Variants in ZNF678 observed in about 807,000 individuals in gnomAD.
ZNF678 encodes the protein zinc finger protein 678, also known as hypothetical protein MGC42493.
A neutral mutation model predicts 3.0 loss-of-function variants in ZNF678; 5 were observed. The ratio of observed to expected loss-of-function variants is 1.69; its 90% CI spans 0.88 to 3.56. The LOEUF is 3.56. ZNF678 is among the 30% of genes most tolerant of loss of function. ZNF678 has a pLI of 0.00. For synonymous variants in ZNF678, 218 were observed against 199.6 expected (o/e 1.09, Z -0.78); for missense variants, 593 against 605.0 (o/e 0.98, Z 0.21).
intron 5 of ZNF678, among the ~76,000 whole-genome samples, chr1:227,675,670 ATAGT>A (rs1377130356): frequency 1.3e-5 from 2 of 152,068 alleles, no homozygotes; most frequent in Non-Finnish European, 2.9e-5. Context: ...AATTATACAT[ATAGT>A]TACTTTCATT....
chr1:227,564,373 G>A (rs1405410302), intron 1 of ZNF678, among the ~76,000 whole-genome samples: 1 of 152,178 alleles, frequency 6.6e-6, no homozygotes, highest in East Asian at 1.9e-4. Context: ...AAATGCATTT[G>A]AGCTATTAAT....
chr1:227,670,184 G>A (rs930905079), intron 5 of ZNF678, among the ~76,000 whole-genome samples: 3 of 152,106 alleles, frequency 2.0e-5, no homozygotes, highest in Non-Finnish European at 4.4e-5. Context: ...GAAGAGAGAC[G>A]GGCATGTGTT....
chr1:227,596,931 A>G (rs1260168479), intron 1 of ZNF678, among the ~76,000 whole-genome samples: 2 of 152,248 alleles, frequency 1.3e-5, no homozygotes, highest in Non-Finnish European at 2.9e-5. Flanking sequence ...TCCAAATTCA[A>G]CAGCACATAA....
chr1:227,604,427 C>T (rs1437255640), intron 1 of ZNF678, among the ~76,000 whole-genome samples: 1 of 152,158 alleles, frequency 6.6e-6, no homozygotes, highest in African/African-American at 2.4e-5. Context: ...ACTTGGGGAC[C>T]CAGGCTGGAG....
chr1:227,675,515 T>C (rs1218372065), intron 5 of ZNF678, among the ~76,000 whole-genome samples: 1 of 152,230 alleles, frequency 6.6e-6, no homozygotes, highest in Non-Finnish European at 1.5e-5. Context: ...CTAAATTCTT[T>C]GCAATATGTG....
chr1:227,618,700 G>A (rs575159031), intron 1 of ZNF678, among the ~76,000 whole-genome samples: 1 of 152,266 alleles, frequency 6.6e-6, no homozygotes, highest in South Asian at 2.1e-4. Flanking sequence ...ACTTACAAAG[G>A]AAAGGGTGGT....
intron 1 of ZNF678, among the ~76,000 whole-genome samples, chr1:227,624,934 G>A (rs1370622728): frequency 2.6e-5 from 4 of 152,160 alleles, no homozygotes; most frequent in Non-Finnish European, 5.9e-5. Flanking sequence ...CAACAAACGC[G>A]GACCGGAAGA....
At chr1:227,599,270 A>G (rs766775188) in intron 1 of ZNF678, among the ~76,000 whole-genome samples, 4 of 152,120 alleles carry the variant, frequency 2.6e-5, no homozygotes, top group Non-Finnish European at 5.9e-5. Flanking sequence ...ATCATGTCAT[A>G]ATTTTGGCAG....
At chr1:227,610,267 G>A (rs185644375) in intron 1 of ZNF678, among the ~76,000 whole-genome samples, 12 of 152,238 alleles carry the variant, frequency 7.9e-5, no homozygotes, top group East Asian at 5.8e-4. Context: ...AGTCAATAAC[G>A]TTACAAGGAT....
intron 1 of ZNF678, among the ~76,000 whole-genome samples, chr1:227,571,723 A>G (rs571946502): frequency 6.6e-6 from 1 of 152,222 alleles, no homozygotes; most frequent in African/African-American, 2.4e-5. Context: ...TGACCAAGGA[A>G]ATTTCTGATA....
At chr1:227,615,483 G>C (rs1213922867) in intron 1 of ZNF678, among the ~76,000 whole-genome samples, 1 of 152,164 alleles carries the variant, frequency 6.6e-6, no homozygotes, top group African/African-American at 2.4e-5. Context: ...AGCACACACA[G>C]TGCCTCTAGA....
intron 1 of ZNF678, among the ~76,000 whole-genome samples, chr1:227,636,137 G>A (rs1658673654): frequency 1.3e-5 from 2 of 152,086 alleles, no homozygotes; most frequent in Admixed American, 1.3e-4. Context: ...ACACACCGGA[G>A]AAACAGGAGG....
chr1:227,592,655 C>T (rs1420150796), intron 1 of ZNF678, among the ~76,000 whole-genome samples: 1 of 152,150 alleles, frequency 6.6e-6, no homozygotes, highest in East Asian at 1.9e-4. Context: ...GACTTAAATC[C>T]TGTAGGTATT....
intron 1 of ZNF678, among the ~76,000 whole-genome samples, chr1:227,624,186 A>T (rs1420117835): frequency 6.6e-6 from 1 of 152,208 alleles, no homozygotes; most frequent in East Asian, 1.9e-4. Flanking sequence ...TACTACTTTA[A>T]TTCAATACAT....
chr1:227,664,142 C>T (rs930716812), downstream of ZNF678, among the ~76,000 whole-genome samples: 1 of 152,160 alleles, frequency 6.6e-6, no homozygotes. Flanking sequence ...CACCACTGCA[C>T]TTCAGCCTGT....
At chr1:227,626,515 T>G (rs1658418877) in intron 1 of ZNF678, among the ~76,000 whole-genome samples, 1 of 152,112 alleles carries the variant, frequency 6.6e-6, no homozygotes, top group Non-Finnish European at 1.5e-5. Context: ...TTTAAGAACT[T>G]GTTGATATTT....
chr1:227,594,739 C>G (rs950333634), intron 1 of ZNF678, among the ~76,000 whole-genome samples: 1 of 152,050 alleles, frequency 6.6e-6, no homozygotes, highest in African/African-American at 2.4e-5. Flanking sequence ...TTTGACATGC[C>G]TCAACTTTCT....
chr1:227,612,249 A>G (rs1658038774), intron 1 of ZNF678, among the ~76,000 whole-genome samples: 1 of 152,172 alleles, frequency 6.6e-6, no homozygotes, highest in Non-Finnish European at 1.5e-5. Context: ...CCACTAGGTC[A>G]TGAGGTTGGT....
intron 1 of ZNF678, among the ~76,000 whole-genome samples, chr1:227,612,167 C>T (rs541683816): frequency 6.6e-6 from 1 of 152,268 alleles, no homozygotes; most frequent in African/African-American, 2.4e-5. Flanking sequence ...CAACATCTAT[C>T]ATCTGGCATC....
Sources: allele counts gnomAD v4.1 joint callset (sites outside exome capture counted in the v4.1 genomes callset), GRCh38; gene constraint gnomAD v4.1.1; transcripts MANE v1.5; gene names NCBI Gene and HGNC (gene_info 2026-07-23, HGNC 2026-07-21).